The following DIAPH2 variants were observed in gnomAD, a reference collection of about 807,000 sequenced individuals.
DIAPH2 encodes the protein protein diaphanous homolog 2.
In DIAPH2, 35 loss-of-function variants were observed where a neutral mutation model predicts 92.7. That is an observed-to-expected ratio of 0.38 (90% confidence interval 0.29 to 0.50). The LOEUF is 0.50. DIAPH2 is among the 20% of genes least tolerant of loss of function. The pLI, the probability that DIAPH2 is intolerant of heterozygous loss-of-function variation, is 0.94. For missense variants in DIAPH2, 701 were observed against 819.5 expected, an observed-to-expected ratio of 0.86 and a Z score of 1.77; for synonymous variants, 301 against 280.4, an observed-to-expected ratio of 1.07 and a Z score of -0.73.
chrX:97,460,338 CTAT>C (rs1176275218), intron 26 of DIAPH2, among the ~76,000 whole-genome samples: 1 of 111,590 alleles, frequency 9.0e-6, no homozygotes, highest in East Asian at 2.8e-4. Context: ...ATTATTACTG[CTAT>C]TATTATTTTT....
At chrX:97,001,427 G>A (rs754726149) in intron 17 of DIAPH2, among the ~76,000 whole-genome samples, 24 of 111,662 alleles carry the variant, frequency 2.1e-4, no homozygotes, top group Admixed American at 5.7e-4. Flanking sequence ...GGTAGATCAC[G>A]AGGTCAGGAG....
intron 22 of DIAPH2, among the ~76,000 whole-genome samples, chrX:97,186,260 TA>T (rs1236950048): frequency 2.7e-5 from 3 of 111,687 alleles, no homozygotes; most frequent in African/African-American, 9.7e-5. Flanking sequence ...CAGCTTCTTT[TA>T]AGTCACTGAT....
chrX:96,956,803 A>C lies in DIAPH2; in HGVS notation c.1615-1025A>C, dbSNP rs1381650341. Among the ~76,000 whole-genome samples the C allele has an allele frequency of 3.6e-5, 4 of 112,133 alleles. No homozygotes were observed. In the Admixed American group the frequency reaches 3.8e-4, roughly 11 times the overall value. On this transcript the variant is annotated intron_variant, in intron 15 of 26. Transcript: ENST00000324765. ...AAAGCCATTCAACAAGTCTCTAGGAAGTTCCAAACTTTCCCACATTTTCCT... is the reference window on the plus strand; with the variant it reads ...AAAGCCATTCAACAAGTCTCTAGGACGTTCCAAACTTTCCCACATTTTCCT...
At chrX:97,258,796 G>A (rs1346070747) in intron 23 of DIAPH2, among the ~76,000 whole-genome samples, 16 of 97,544 alleles carry the variant, frequency 1.6e-4, no homozygotes, top group Non-Finnish European at 2.9e-4. Context: ...GCGTGAACCC[G>A]GGAGGCGGAG....
chrX:96,701,031 T>C (rs1299343383), intron 1 of DIAPH2, among the ~76,000 whole-genome samples: 1 of 112,066 alleles, frequency 8.9e-6, no homozygotes, highest in Non-Finnish European at 1.9e-5. Flanking sequence ...AACCTCTTCT[T>C]TTTTCTGTTC....
intron 23 of DIAPH2, among the ~76,000 whole-genome samples, chrX:97,324,289 G>T: frequency 9.0e-6 from 1 of 111,379 alleles, no homozygotes; most frequent in East Asian, 2.8e-4. Context: ...CTAAGAATCT[G>T]ATGTACCACT....
intron 22 of DIAPH2, among the ~76,000 whole-genome samples, chrX:97,209,074 T>C (rs183330551): frequency 2.8e-4 from 31 of 111,258 alleles, no homozygotes; most frequent in African/African-American, 9.1e-4. Context: ...CAGTCTTCTA[T>C]AGAGCACAGA....
chrX:97,153,826 C>T (rs933645613), intron 22 of DIAPH2, among the ~76,000 whole-genome samples: 1 of 111,016 alleles, frequency 9.0e-6, no homozygotes, highest in Non-Finnish European at 1.9e-5. Context: ...AAAGGTTGAT[C>T]ATAAAATTTC....
At chrX:97,337,143 T>A (rs966686099) in intron 23 of DIAPH2, among the ~76,000 whole-genome samples, 1 of 108,223 alleles carries the variant, frequency 9.2e-6, no homozygotes, top group African/African-American at 3.4e-5. Context: ...TTTTTTTTTT[T>A]ATTTTAACAA....
chrX:97,067,392 CA>C (rs895731277), intron 17 of DIAPH2, among the ~76,000 whole-genome samples: 1 of 111,594 alleles, frequency 9.0e-6, no homozygotes, highest in Non-Finnish European at 1.9e-5. Flanking sequence ...ATTTTTATGT[CA>C]AAAAATAGGA....
Position 96,735,806 on chromosome X carries a change from C to A in DIAPH2, c.165+16C>A, listed in dbSNP as rs941890102. 1 of 947,538 alleles carries A rather than the reference C, an allele frequency of 1.1e-6. No individual in the cohort carries two copies. The highest frequency in any genetic ancestry group is 1.5e-6 in the Non-Finnish European group (1 of 684,017). 78.1% of individuals were successfully genotyped at this position (947,538 alleles called of 1,213,427 possible). On this transcript the variant is annotated intron_variant, in intron 2 of 26. Transcript: ENST00000324765. ...AGATGATGTGGTAAGGTGGTCTTAG[C>A]ATGTTATTACATTACTTATGCATGT...
At chrX:97,128,240 A>T (rs1259074499) in intron 21 of DIAPH2, among the ~76,000 whole-genome samples, 1 of 111,407 alleles carries the variant, frequency 9.0e-6, no homozygotes, top group East Asian at 2.8e-4. Context: ...CCCTTTTTAG[A>T]CCGTATAGGA....
chrX:97,097,080 T>G (rs1016340384), intron 19 of DIAPH2, among the ~76,000 whole-genome samples: 1 of 111,496 alleles, frequency 9.0e-6, no homozygotes, highest in African/African-American at 3.3e-5. Flanking sequence ...ATGAGTACCA[T>G]TACATCTCTC....
chrX:97,126,615 G>GAGACAGGGA (rs1483300838), intron 21 of DIAPH2, among the ~76,000 whole-genome samples: 27 of 112,079 alleles, frequency 2.4e-4, no homozygotes, highest in African/African-American at 8.8e-4. Context: ...GCTAAAGCAA[G>GAGACAGGGA]AGACAGGGAG....
intron 23 of DIAPH2, among the ~76,000 whole-genome samples, chrX:97,297,236 G>A (rs1230967556): frequency 9.2e-6 from 1 of 108,710 alleles, no homozygotes; most frequent in South Asian, 4.0e-4. Flanking sequence ...AACCAGAACT[G>A]TAAGATGGCC....
At chrX:97,519,169 C>T (rs1202016800) in intron 26 of DIAPH2, among the ~76,000 whole-genome samples, 1 of 111,675 alleles carries the variant, frequency 9.0e-6, no homozygotes, top group South Asian at 3.8e-4. Context: ...CAGGTTGCTT[C>T]GTTTTTGCTC....
chrX:97,364,759 G>GTTTTTTTTTGTTTT (rs1279508605), intron 24 of DIAPH2, among the ~76,000 whole-genome samples: 7 of 56,569 alleles, frequency 1.2e-4, no homozygotes, highest in African/African-American at 4.0e-4. Context: ...GTCTCCTGGT[G>GTTTTTTTTTGTTTT]TTTTTTTTTT....
At chrX:96,993,728 A>G (rs2066087162) in intron 17 of DIAPH2, among the ~76,000 whole-genome samples, 1 of 112,325 alleles carries the variant, frequency 8.9e-6, no homozygotes, top group Admixed American at 9.4e-5. Flanking sequence ...AGTAATTGCT[A>G]TACTACAATG....
At chrX:97,005,908 C>CTTTTTTT (rs58056111) in intron 17 of DIAPH2, among the ~76,000 whole-genome samples, 4 of 68,143 alleles carry the variant, frequency 5.9e-5, no homozygotes, top group Non-Finnish European at 8.2e-5. Context: ...TGAAGTTTTT[C>CTTTTTTT]TTTTTTTTTT....
Sources: allele counts gnomAD v4.1 joint callset (sites outside exome capture counted in the v4.1 genomes callset), GRCh38; gene constraint gnomAD v4.1.1; transcripts MANE v1.5; gene names NCBI Gene and HGNC (gene_info 2026-07-23, HGNC 2026-07-21).